The following ZNF20 variants were observed in gnomAD, a reference collection of about 807,000 sequenced individuals.
ZNF20 encodes the protein zinc finger protein KOX13.
In ZNF20, 9 loss-of-function variants were observed where a neutral mutation model predicts 11.0. The ratio of observed to expected loss-of-function variants is 0.82; its 90% confidence interval spans 0.49 to 1.43. The LOEUF (loss-of-function observed/expected upper bound fraction) is 1.43. Ranked by LOEUF, ZNF20 falls within the 40% of genes most tolerant of loss-of-function variation. The pLI is 0.00. For missense variants in ZNF20, 528 were observed against 640.8 expected (o/e 0.82, Z 1.90); for synonymous variants, 182 against 213.0 (o/e 0.85, Z 1.27).
Position 12,132,370 on chromosome 19 carries a change from T to C in ZNF20, c.*217A>G. The C allele has an allele frequency of 1.9e-6, 1 of 525,034 alleles. No homozygotes were observed. The highest frequency in any genetic ancestry group is 3.3e-6 in the Non-Finnish European group (1 of 307,460). 32.5% of individuals were successfully genotyped at this position (525,034 alleles called of 1,614,324 possible). Reference sequence around the variant, plus strand: ...CTCTAATATGTGACTGATGCCTTCCTTTTCTGTGCCTTTGAAATCTCATGC... The same window carrying C: ...CTCTAATATGTGACTGATGCCTTCCCTTTCTGTGCCTTTGAAATCTCATGC... On this transcript the variant is annotated 3_prime_UTR_variant, in exon 4 of 4. Transcript: ENST00000334213.
rs1283863612 is a variant in ZNF20 at position 12,133,663 on chromosome 19, C to G, written c.523G>C (p.Glu175Gln). The change falls in exon 4 of 4, where the codon GAA becomes CAA. Residue 175 changes from glutamate to glutamine, a missense_variant. By Grantham distance (29) the Glu-to-Gln change is conservative. Coordinates refer to ENST00000334213, the MANE Select transcript of ZNF20 (RefSeq NM_021143.4). ...TGGGAAATGAAGGTTTCTGTACATTCTTTACCATCATAGGGTTTCTCTTTA... is the reference window on the plus strand; with the variant it reads ...TGGGAAATGAAGGTTTCTGTACATTGTTTACCATCATAGGGTTTCTCTTTA... ...CTKEKPYDGK[E>Q]CTETFISHSC... The G allele has an allele frequency of 4.3e-6, 7 of 1,614,172 alleles. No individual in the cohort carries two copies. In the East Asian group the frequency reaches 1.6e-4, roughly 36 times the overall value.
Position 12,133,908 on chromosome 19 carries a change from A to G in ZNF20, c.278T>C (p.Met93Thr). The G allele has an allele frequency of 6.2e-7, 1 of 1,614,144 alleles. No individual in the cohort carries two copies. Among genetic ancestry groups the G allele is most frequent in the Non-Finnish European group, 8.5e-7 (1 of 1,180,022 alleles). ...TCCAGGAAGAGTTTTCCTGTTCAGCATGTCATCTGCAATCTGGTTGAAGCT... is the reference window on the plus strand; with the variant it reads ...TCCAGGAAGAGTTTTCCTGTTCAGCGTGTCATCTGCAATCTGGTTGAAGCT... ...GESFNQIADDMLNRKTLPGIT... is the reference protein window; with the variant it reads ...GESFNQIADDTLNRKTLPGIT... Residue 93 changes from methionine (M) to threonine (T), a missense_variant, in exon 4 of 4, where the codon ATG becomes ACG. By Grantham distance (81) the Met-to-Thr change is moderately conservative. Coordinates refer to ENST00000334213, the MANE Select transcript of ZNF20 (RefSeq NM_021143.4).
At position 12,139,176 on chromosome 19, in the gene ZNF20, A is replaced by G. The variant is rs1976759404; in HGVS notation, c.3+1004T>C. Among the ~76,000 whole-genome samples, 1 of 152,266 alleles carries G rather than the reference A, an allele frequency of 6.6e-6. No homozygotes were observed. The highest frequency in any genetic ancestry group is 2.4e-5 in the African/African-American group (1 of 41,476). On this transcript the variant is annotated intron_variant, in intron 1 of 3. Coordinates refer to ENST00000334213, the MANE Select transcript of ZNF20 (RefSeq NM_021143.4). This position sits in a 1 kb window ranked among gnomAD's most constrained non-coding sequence, Gnocchi z 4.0. ...AGCTATGAAAGGAAATACCTACTCC[A>G]TAGGGCGTAAGCCAAGTAAATGATT...
Position 12,132,807 on chromosome 19 carries a change from A to T in ZNF20, c.1379T>A (p.Phe460Tyr), listed in dbSNP as rs1183492182. ...PYECKVCGKA[F>Y]TCSSSIRYHE... ...ATATCGAATGGAACTGGAACAAGTG[A>T]AGGCTTTGCCACATACCTTACACTC... Residue 460 changes from phenylalanine to tyrosine, a missense_variant, in exon 4 of 4, where the codon TTC becomes TAC. Phe to Tyr is a conservative substitution (Grantham distance 22). Transcript: ENST00000334213. 8.7e-6 allele frequency: 14 copies of T among 1,613,930 alleles called. No homozygotes were observed. The East Asian group carries it at 3.1e-4, about 36-fold the overall frequency.
Position 12,140,349 on chromosome 19 carries a change from C to T in ZNF20, c.-167G>A, listed in dbSNP as rs1345291848. On this transcript the variant is annotated 5_prime_UTR_variant, in exon 1 of 4. Transcript: ENST00000334213. ...ACCTGCATAGCAACAAAAGTAGAAG[C>T]TGGAATGGGCCTCCTCCTTCCGGAC... The T allele has an allele frequency of 2.2e-6, 2 of 891,416 alleles. No individual in the cohort carries two copies. The highest frequency in any genetic ancestry group is 2.6e-5 in the East Asian group (1 of 37,986). The allele number at this position is 891,416 out of a possible 1,614,324, so 55.2% of individuals were successfully genotyped here.
rs1976638663 is a variant in ZNF20, at chr19:12,132,528, G to A, written c.*59C>T. 1 of 1,495,632 alleles carries A rather than the reference G, an allele frequency of 6.7e-7. No individual in the cohort carries two copies. The highest frequency in any genetic ancestry group is 9.0e-7 in the Non-Finnish European group (1 of 1,116,930). 92.6% of individuals were successfully genotyped at this position (1,495,632 alleles called of 1,614,324 possible). A position where few individuals can be genotyped will look rare whatever the true frequency, so the allele number is the denominator to read the frequency against. ...TTCTTTCACCACTCTCTTTTCTTGT[G>A]TTTCAAAGGAAGTGGGACAACAGAA... On this transcript the variant is annotated 3_prime_UTR_variant, in exon 4 of 4. Transcript: ENST00000334213.
In ZNF20 at chr19:12,133,953, T is replaced by C. The variant is rs753291143; in HGVS notation, c.233A>G (p.Glu78Gly). ...GAAGCTTTCTCCACAGTGATGACTT[T>C]CTTTACTTTCACAGAGTTTCTCTCT... ...LMREKLCESKESHHCGESFNQ... is the reference protein window; with the variant it reads ...LMREKLCESKGSHHCGESFNQ... Residue 78 changes from glutamate to glycine, a missense_variant, in exon 4 of 4, where the codon GAA (glutamate) becomes GGA (glycine). Glu to Gly is a moderately conservative substitution (Grantham distance 98). Coordinates refer to ENST00000334213, the MANE Select transcript of ZNF20 (RefSeq NM_021143.4). 11 of 1,610,432 alleles carry C rather than the reference T, an allele frequency of 6.8e-6. No individual in the cohort carries two copies. Among genetic ancestry groups the C allele is most frequent in the Middle Eastern group, 1.7e-4 (1 of 6,034 alleles).
Position 12,132,513 on chromosome 19 carries a change from A to G in ZNF20, c.*74T>C. Reference sequence around the variant, plus strand: ...GCAGTTATCCAGAGGTTCTTTCACCACTCTCTTTTCTTGTGTTTCAAAGGA... The same window carrying G: ...GCAGTTATCCAGAGGTTCTTTCACCGCTCTCTTTTCTTGTGTTTCAAAGGA... On this transcript the variant is annotated 3_prime_UTR_variant, in exon 4 of 4. Coordinates refer to ENST00000334213, the MANE Select transcript of ZNF20 (RefSeq NM_021143.4). 1.4e-6 allele frequency: 2 copies of G among 1,446,338 alleles called. No individual in the cohort carries two copies. Among genetic ancestry groups the G allele is most frequent in the Non-Finnish European group, 1.9e-6 (2 of 1,075,038 alleles). The allele number at this position is 1,446,338 out of a possible 1,614,324, so 89.6% of individuals were successfully genotyped here.
At position 12,139,942 on chromosome 19, in the gene ZNF20, T is replaced by G. The variant is rs1213695778; in HGVS notation, c.3+238A>C. Among the ~76,000 whole-genome samples the G allele has an allele frequency of 6.6e-6, 1 of 152,030 alleles. No individual in the cohort carries two copies. The highest frequency in any genetic ancestry group is 1.5e-5 in the Non-Finnish European group (1 of 68,012). On this transcript the variant is annotated intron_variant, in intron 1 of 3. Transcript: ENST00000334213. The surrounding 1 kb of genome is among the most constrained non-coding windows in gnomAD (Gnocchi z 4.0). ...AGGCGCGGAGCTGCCCAGAGAGGGC[T>G]CCAGGGTCGGGGCCCACAGTCGCCC...
In ZNF20 at chr19:12,139,406, G is replaced by A. The variant is rs1228635608; in HGVS notation, c.3+774C>T. 6.6e-6 allele frequency among the ~76,000 whole-genome samples: 1 copy of A among 152,074 alleles called. No homozygotes were observed. Among genetic ancestry groups the A allele is most frequent in the Non-Finnish European group, 1.5e-5 (1 of 68,014 alleles). ...TTTTGTCCAATTCTTTGTTCAAGACGCCAAGAACCTGGACCCCCTCCACCG... is the reference window on the plus strand; with the variant it reads ...TTTTGTCCAATTCTTTGTTCAAGACACCAAGAACCTGGACCCCCTCCACCG... On this transcript the variant is annotated intron_variant, in intron 1 of 3. Coordinates refer to ENST00000334213, the MANE Select transcript of ZNF20 (RefSeq NM_021143.4). This position sits in a 1 kb window ranked among gnomAD's most constrained non-coding sequence, Gnocchi z 4.0.
intron 1 of ZNF20, among the ~76,000 whole-genome samples, chr19:12,136,507 C>A (rs971582938): frequency 1.3e-5 from 2 of 151,672 alleles, no homozygotes; most frequent in Non-Finnish European, 2.9e-5. Context: ...CATGGAGAAA[C>A]CCTGTCTCTA....
Position 12,131,798 on chromosome 19 carries a change from G to T in ZNF20, c.*789C>A, listed in dbSNP as rs767105387. 5 of 152,166 alleles carry T rather than the reference G, an allele frequency of 3.3e-5. No individual in the cohort carries two copies. The highest frequency in any genetic ancestry group is 7.3e-5 in the Non-Finnish European group (5 of 68,038). 9.4% of individuals were successfully genotyped at this position (152,166 alleles called of 1,614,324 possible). On this transcript the variant is annotated 3_prime_UTR_variant, in exon 4 of 4. Coordinates refer to ENST00000334213, the MANE Select transcript of ZNF20 (RefSeq NM_021143.4). ...TTATTTCTAAAATACATGAACAGAA[G>T]TATTTGTTGCCAAGAAACCGCATTA... is the stretch of plus-strand genomic sequence containing the variant.
Position 12,140,212 on chromosome 19 carries a change from C to T in ZNF20, c.-30G>A. Reference sequence around the variant, plus strand: ...CGGCTTCTGGGTGTCCCGGTGTCCTCTCTAGGGCTCCCGTGAATAGTGCGG... The same window carrying T: ...CGGCTTCTGGGTGTCCCGGTGTCCTTTCTAGGGCTCCCGTGAATAGTGCGG... On this transcript the variant is annotated 5_prime_UTR_variant, in exon 1 of 4. Transcript: ENST00000334213. 6.3e-7 allele frequency: 1 copy of T among 1,599,664 alleles called. No individual in the cohort carries two copies. Among genetic ancestry groups the T allele is most frequent in the South Asian group, 1.1e-5 (1 of 89,042 alleles).
chr19:12,133,259 T>C lies in ZNF20; in HGVS notation c.927A>G (p.Lys309=). ...QYHKMTHTGE[K]PYECKQCGKA... ...TCCCACACTGCTTACATTCATAGGG[T>C]TTCTCTCCAGTGTGAGTCATCTTAT... The change falls in exon 4 of 4, where the codon AAA becomes AAG. Residue 309 remains lysine (K), a synonymous_variant. Transcript: ENST00000334213. 6.2e-7 allele frequency: 1 copy of C among 1,613,940 alleles called. No individual in the cohort carries two copies. Among genetic ancestry groups the C allele is most frequent in the Non-Finnish European group, 8.5e-7 (1 of 1,179,980 alleles).
At position 12,133,410 on chromosome 19, in the gene ZNF20, T is replaced by G; in HGVS notation, c.776A>C (p.Glu259Ala). The part of the protein sequence containing the change: ...HTGVNADECK[E>A]CGNAFSFPSE... ...AGGAAAACTGAATGCATTCCCACAT[T>G]CTTTACATTCATCGGCATTCACTCC... is the stretch of plus-strand genomic sequence containing the variant. The change falls in exon 4 of 4, where the codon GAA (glutamate) becomes GCA (alanine). Residue 259 changes from glutamate to alanine, a missense_variant. Physicochemically the swap from Glu to Ala is moderately radical, Grantham distance 107. Coordinates refer to ENST00000334213, the MANE Select transcript of ZNF20 (RefSeq NM_021143.4). 6.2e-7 allele frequency: 1 copy of G among 1,614,148 alleles called. No individual in the cohort carries two copies. Among genetic ancestry groups the G allele is most frequent in the Non-Finnish European group, 8.5e-7 (1 of 1,179,972 alleles).
At chr19:12,138,328 C>G (rs1365293334) in intron 1 of ZNF20, among the ~76,000 whole-genome samples, 1 of 151,662 alleles carries the variant, frequency 6.6e-6, no homozygotes, top group Non-Finnish European at 1.5e-5. Flanking sequence ...ACCTGTAAAC[C>G]CAGCTACTCG....
At chr19:12,134,032 T>C (rs1356930943) in intron 3 of ZNF20, 47 bp from the exon 4 acceptor site, 1 of 1,528,938 alleles carries the variant, frequency 6.5e-7, no homozygotes, top group African/African-American at 1.4e-5. Context: ...TGATTAAAAG[T>C]GACTTATAGG....
chr19:12,132,547 A>C lies in ZNF20; in HGVS notation c.*40T>G. On this transcript the variant is annotated 3_prime_UTR_variant, in exon 4 of 4. Transcript: ENST00000334213. ...TCTTGTGTTTCAAAGGAAGTGGGACAACAGAAAGCTTCTCCCGTTGCTTCC... is the reference window on the plus strand; with the variant it reads ...TCTTGTGTTTCAAAGGAAGTGGGACCACAGAAAGCTTCTCCCGTTGCTTCC... 1 of 1,525,446 alleles carries C rather than the reference A, an allele frequency of 6.6e-7. No individual in the cohort carries two copies. The highest frequency in any genetic ancestry group is 8.8e-7 in the Non-Finnish European group (1 of 1,140,178). 94.5% of individuals were successfully genotyped at this position (1,525,446 alleles called of 1,614,324 possible).
At chr19:12,134,665 A>G (rs1349159155) in intron 3 of ZNF20, among the ~76,000 whole-genome samples, 2 of 152,162 alleles carry the variant, frequency 1.3e-5, no homozygotes, top group African/African-American at 4.8e-5. Context: ...AAAAAACATG[A>G]TTTATATCAT....
Sources: allele counts gnomAD v4.1 joint callset (sites outside exome capture counted in the v4.1 genomes callset), GRCh38; gene constraint gnomAD v4.1.1; non-coding constraint Gnocchi (gnomAD v3.1); transcripts MANE v1.5; gene names NCBI Gene and HGNC (gene_info 2026-07-23, HGNC 2026-07-21).